Variants in AKR1C8 observed in about 807,000 individuals in gnomAD.
The protein encoded by AKR1C8 is aldo-keto reductase family 1 member C8.
the AKR1C8 span, chr10:5,157,824 G>C: frequency 2.2e-6 from 1 of 460,124 alleles, no homozygotes; most frequent in Non-Finnish European, 4.5e-6. Flanking sequence ...AACAGACACA[G>C]ATGTGAAGGA....
chr10:5,129,022 T>C, the AKR1C8 span, among the ~76,000 whole-genome samples: 3 of 152,100 alleles, frequency 2.0e-5, no homozygotes, highest in Non-Finnish European at 4.4e-5. Flanking sequence ...ATAGACGATA[T>C]GATAGGCCAC....
chr10:5,155,907 C>G, the AKR1C8 span: 3 of 348,008 alleles, frequency 8.6e-6, no homozygotes, highest in South Asian at 7.3e-5. Flanking sequence ...TGGCTTGAGA[C>G]GTCTTCCACC....
At chr10:5,158,841 C>A in the AKR1C8 span, 1 of 383,090 alleles carries the variant, frequency 2.6e-6, no homozygotes, top group South Asian at 2.0e-5. Context: ...GGCCCTTTTC[C>A]CCATGCACCT....
At chr10:5,136,329 C>A in the AKR1C8 span, among the ~76,000 whole-genome samples, 1 of 152,116 alleles carries the variant, frequency 6.6e-6, no homozygotes, top group African/African-American at 2.4e-5. Context: ...AGGTGGATCA[C>A]TTGAGATCCA....
the AKR1C8 span, among the ~76,000 whole-genome samples, chr10:5,142,494 C>T: frequency 6.6e-6 from 1 of 152,092 alleles, no homozygotes. Context: ...TCATGTGTAG[C>T]TTTTGTGCTT....
chr10:5,117,541 T>C, the AKR1C8 span, among the ~76,000 whole-genome samples: 3 of 152,114 alleles, frequency 2.0e-5, no homozygotes, highest in African/African-American at 7.2e-5. Context: ...GTTCTAGGTG[T>C]GTAGAGAAAT....
At chr10:5,176,082 G>A in the AKR1C8 span, among the ~76,000 whole-genome samples, 1 of 151,806 alleles carries the variant, frequency 6.6e-6, no homozygotes, top group Non-Finnish European at 1.5e-5. Context: ...TAATGCCTAG[G>A]TTTTCTTCTA....
At chr10:5,179,237 G>C in the AKR1C8 span, among the ~76,000 whole-genome samples, 2 of 152,078 alleles carry the variant, frequency 1.3e-5, no homozygotes, top group African/African-American at 4.8e-5. Context: ...CTTCACTTAT[G>C]AAGCTTAGTT....
the AKR1C8 span, among the ~76,000 whole-genome samples, chr10:5,156,442 A>C: frequency 6.9e-6 from 1 of 145,548 alleles, no homozygotes; most frequent in South Asian, 2.2e-4. Context: ...GGAGCCCATT[A>C]ATAGTAAAAC....
the AKR1C8 span, chr10:5,132,884 T>C: frequency 2.3e-5 from 10 of 426,504 alleles, no homozygotes; most frequent in Non-Finnish European, 2.9e-5. Context: ...GTTAGTTCTA[T>C]ATATGGGGTG....
the AKR1C8 span, among the ~76,000 whole-genome samples, chr10:5,166,218 T>C: frequency 6.6e-5 from 10 of 151,456 alleles, no homozygotes; most frequent in African/African-American, 2.2e-4. Context: ...CTGCCCAAGG[T>C]AATTTATAGA....
the AKR1C8 span, chr10:5,123,858 G>A: frequency 1.9e-6 from 3 of 1,577,472 alleles, no homozygotes; most frequent in South Asian, 2.3e-5. Context: ...CAGATAATAT[G>A]AAACAGTTAT....
At chr10:5,128,204 TAC>T in the AKR1C8 span, among the ~76,000 whole-genome samples, 3 of 152,074 alleles carry the variant, frequency 2.0e-5, no homozygotes, top group Non-Finnish European at 4.4e-5. Flanking sequence ...GAAGGAGAAA[TAC>T]AGTCATTTTT....
the AKR1C8 span, among the ~76,000 whole-genome samples, chr10:5,140,724 C>T: frequency 9.2e-5 from 14 of 151,806 alleles, no homozygotes; most frequent in African/African-American, 3.4e-4. Flanking sequence ...TGCTGCAAAC[C>T]AACATGGCAC....
At chr10:5,143,452 C>T in the AKR1C8 span, among the ~76,000 whole-genome samples, 12 of 152,076 alleles carry the variant, frequency 7.9e-5, no homozygotes, top group Non-Finnish European at 1.0e-4. Flanking sequence ...TGATGACTCC[C>T]CTGATTTCAG....
the AKR1C8 span, chr10:5,154,111 T>C: frequency 2.1e-6 from 1 of 465,732 alleles, no homozygotes; most frequent in Non-Finnish European, 4.5e-6. Flanking sequence ...AAGGAGGAAA[T>C]TGTGGTGGTA....
the AKR1C8 span, among the ~76,000 whole-genome samples, chr10:5,174,149 C>T: frequency 2.0e-5 from 3 of 151,750 alleles, no homozygotes; most frequent in Non-Finnish European, 4.4e-5. Context: ...ATTTTCCTAG[C>T]CCTGTTCTTA....
chr10:5,137,824 T>C, the AKR1C8 span, among the ~76,000 whole-genome samples: 1 of 152,092 alleles, frequency 6.6e-6, no homozygotes, highest in Non-Finnish European at 1.5e-5. Context: ...CCGTGATGCC[T>C]GCCTGAGCCT....
the AKR1C8 span, among the ~76,000 whole-genome samples, chr10:5,126,712 G>A: frequency 6.6e-6 from 1 of 152,096 alleles, no homozygotes; most frequent in African/African-American, 2.4e-5. Context: ...TAAGCTTCAA[G>A]AGACTGCTGC....
Sources: gnomAD v4.1 joint callset for allele counts (sites outside exome capture counted in the v4.1 genomes callset) on GRCh38, gnomAD v4.1.1 for gene constraint, MANE v1.5 for transcripts, NCBI Gene and HGNC (gene_info 2026-07-23, HGNC 2026-07-21) for gene names.